Variants in POC1B observed in about 807,000 individuals in gnomAD.
POC1B encodes the protein POC1 centriolar protein homolog B.
POC1B carries 44 observed loss-of-function variants against 60.6 expected under a neutral mutation model. That is an observed-to-expected ratio of 0.73 (90% CI 0.57 to 0.93). POC1B has a LOEUF of 0.93. POC1B is among the 40% of genes least tolerant of loss of function. The pLI is 0.00. For synonymous variants in POC1B, 180 were observed against 198.9 expected (o/e 0.90, Z 0.80); for missense variants, 555 against 572.3 (o/e 0.97, Z 0.31).
At chr12:89,412,357 C>CTTTT in the POC1B span, among the ~76,000 whole-genome samples, 115 of 138,074 alleles carry the variant, frequency 8.3e-4, no homozygotes, top group African/African-American at 2.9e-3. Flanking sequence ...TTTCTTTTTT[C>CTTTT]TTTTTTTTTT....
intron 2 of POC1B, among the ~76,000 whole-genome samples, chr12:89,513,637 A>G (rs964067923): frequency 6.6e-6 from 1 of 152,218 alleles, no homozygotes; most frequent in Non-Finnish European, 1.5e-5. Context: ...TTCTGAAATC[A>G]GACTCAAACC....
chr12:89,490,635 G>A (rs776340243), intron 4 of POC1B, among the ~76,000 whole-genome samples: 4 of 151,988 alleles, frequency 2.6e-5, no homozygotes, highest in Admixed American at 6.6e-5. Context: ...ATGAGCCACC[G>A]TGCCCAGCCC....
chr12:89,440,763 T>C (rs1238932333), intron 10 of POC1B, among the ~76,000 whole-genome samples: 1 of 152,286 alleles, frequency 6.6e-6, no homozygotes, highest in South Asian at 2.1e-4. Context: ...TTCATTTCAC[T>C]GGGGCTTGTC....
intron 4 of POC1B, among the ~76,000 whole-genome samples, chr12:89,474,907 T>C (rs906419950): frequency 6.6e-6 from 1 of 152,160 alleles, no homozygotes; most frequent in African/African-American, 2.4e-5. Flanking sequence ...AAAACAGACA[T>C]GGTCCCTGTC....
At chr12:89,523,466 G>A (rs1871108976) in intron 2 of POC1B, 1 of 1,613,854 alleles carries the variant, frequency 6.2e-7, no homozygotes, top group East Asian at 2.2e-5. Flanking sequence ...GGGAACACAT[G>A]GCCCACGTGG....
At chr12:89,517,101 C>T (rs1402586368) in intron 2 of POC1B, among the ~76,000 whole-genome samples, 2 of 152,220 alleles carry the variant, frequency 1.3e-5, no homozygotes, top group Non-Finnish European at 2.9e-5. Context: ...CCTAAGCTAT[C>T]TCTACCTCCC....
intron 10 of POC1B, among the ~76,000 whole-genome samples, chr12:89,434,730 G>T (rs1881180005): frequency 6.6e-6 from 1 of 152,128 alleles, no homozygotes; most frequent in Non-Finnish European, 1.5e-5. Context: ...ACTTTGAAGG[G>T]CATTCAGAGT....
chr12:89,465,776 C>T (rs1408531717), intron 9 of POC1B, among the ~76,000 whole-genome samples: 1 of 152,152 alleles, frequency 6.6e-6, no homozygotes, highest in Non-Finnish European at 1.5e-5. Flanking sequence ...AAAGTCAACA[C>T]TACCAGGGAA....
chr12:89,466,794 A>G lies in POC1B; in HGVS notation c.1008T>C (p.His336=). The change falls in exon 9 of 12, where the codon CAT becomes CAC. Residue 336 remains histidine (H), a synonymous_variant. Coordinates refer to ENST00000313546, the MANE Select transcript of POC1B (RefSeq NM_172240.3). ...CTTCTACAGTCTCAACTTTTTCCTC[A>G]TGGGGATGTGGTGTTCTTGGGTAGA... The part of the protein sequence containing the change: ...LDIYPRTPHP[H]EEKVETVEIN... The G allele has an allele frequency of 6.2e-7, 1 of 1,612,166 alleles. No individual in the cohort carries two copies.
At chr12:89,522,767 C>T (rs1870992573) in intron 2 of POC1B, 1 of 1,521,656 alleles carries the variant, frequency 6.6e-7, no homozygotes, top group Admixed American at 2.3e-5. Context: ...GGCTCTTTGA[C>T]TTTCTTGACA....
At chr12:89,403,904 G>A in the POC1B span, among the ~76,000 whole-genome samples, 46 of 152,208 alleles carry the variant, frequency 3.0e-4, no homozygotes, top group Non-Finnish European at 5.0e-4. Flanking sequence ...AGGCCCAGGC[G>A]GGAGGATCAC....
intron 10 of POC1B, among the ~76,000 whole-genome samples, chr12:89,434,088 T>C (rs1012479828): frequency 6.6e-6 from 1 of 152,252 alleles, no homozygotes; most frequent in Admixed American, 6.5e-5. Flanking sequence ...GACTTAAAAG[T>C]ATGACTAGGA....
chr12:89,521,109 AT>A (rs1332449692), intron 2 of POC1B: 44 of 144,630 alleles, frequency 3.0e-4, no homozygotes, highest in Non-Finnish European at 1.6e-4. Context: ...TTTTATTATT[AT>A]TTTTTTTTTT....
chr12:89,476,374 T>C (rs1386320618), intron 4 of POC1B, among the ~76,000 whole-genome samples: 3 of 152,190 alleles, frequency 2.0e-5, no homozygotes, highest in Non-Finnish European at 4.4e-5. Context: ...ACTTGTTCAT[T>C]ACAGAACCAA....
At chr12:89,440,067 C>A (rs184012924) in intron 10 of POC1B, among the ~76,000 whole-genome samples, 3 of 152,326 alleles carry the variant, frequency 2.0e-5, no homozygotes, top group Admixed American at 6.5e-5. Flanking sequence ...CCATCCCCAG[C>A]TCCTACCTAG....
intron 4 of POC1B, among the ~76,000 whole-genome samples, chr12:89,479,201 A>G (rs777860335): frequency 6.6e-6 from 1 of 152,218 alleles, no homozygotes; most frequent in Non-Finnish European, 1.5e-5. Flanking sequence ...TAACCACTGC[A>G]TTCCATTTCC....
intron 2 of POC1B, among the ~76,000 whole-genome samples, chr12:89,504,978 A>G (rs1282694985): frequency 6.6e-6 from 1 of 152,202 alleles, no homozygotes; most frequent in African/African-American, 2.4e-5. Flanking sequence ...CTACAAATCA[A>G]TAAGAAAAAG....
rs774891372 is a variant in POC1B, at chr12:89,466,753, A to T, written c.1032+17T>A. ...AATGTACACAAAATGTAGGACAAAT[A>T]TGAACAAAATACTCACTTCTACAGT... On this transcript the variant is annotated intron_variant, in intron 9 of 11. Coordinates refer to ENST00000313546, the MANE Select transcript of POC1B (RefSeq NM_172240.3). 1.3e-6 allele frequency: 2 copies of T among 1,596,468 alleles called. No individual in the cohort carries two copies. Among genetic ancestry groups the T allele is most frequent in the Non-Finnish European group, 1.7e-6 (2 of 1,170,050 alleles).
At chr12:89,456,593 A>T (rs530438329) in intron 10 of POC1B, among the ~76,000 whole-genome samples, 2 of 152,354 alleles carry the variant, frequency 1.3e-5, no homozygotes, top group Admixed American at 1.3e-4. Context: ...GAATTTGAGA[A>T]CAATATTTTA....
Sources: allele counts gnomAD v4.1 joint callset (sites outside exome capture counted in the v4.1 genomes callset), GRCh38; gene constraint gnomAD v4.1.1; transcripts MANE v1.5; gene names NCBI Gene and HGNC (gene_info 2026-07-23, HGNC 2026-07-21).